SH2D1A: variants seen among roughly 807,000 people sequenced by gnomAD.
SH2D1A encodes SH2 domain-containing protein 1A.
Under a neutral mutation model 10.1 loss-of-function variants are expected in SH2D1A, and 6 were observed. The observed-to-expected ratio is 0.60, with a 90% CI of 0.33 to 1.18. The LOEUF is 1.18. Among genes scored for constraint, SH2D1A ranks in the 50% most tolerant of loss-of-function variants. SH2D1A has a pLI of 0.04. For missense variants in SH2D1A, 51 were observed against 97.6 expected, an observed-to-expected ratio of 0.52 and a Z score of 2.01; for synonymous variants, 42 against 36.9, an observed-to-expected ratio of 1.14 and a Z score of -0.51.
intron 1 of SH2D1A, among the ~76,000 whole-genome samples, chrX:124,349,908 A>G (rs1284020782): frequency 1.9e-5 from 2 of 107,069 alleles, no homozygotes; most frequent in African/African-American, 6.8e-5. Context: ...CCTTATACCT[A>G]TTCATTATAG....
chrX:124,363,582 G>T (rs1252287512), intron 1 of SH2D1A, among the ~76,000 whole-genome samples: 1 of 110,999 alleles, frequency 9.0e-6, no homozygotes, highest in African/African-American at 3.3e-5. Flanking sequence ...CAAACCGACT[G>T]TGCTGTCAGC....
At position 124,371,844 on chromosome X, in the gene SH2D1A, G is replaced by A. The variant is rs1025553812; in HGVS notation, c.*453G>A. ...TGCCAAGTTCTCCACTAGCTATGGT[G>A]TCATAGGCTCTTTTGGGATTTTTGA... On this transcript the variant is annotated 3_prime_UTR_variant, in exon 4 of 4. Coordinates refer to ENST00000371139, the MANE Select transcript of SH2D1A (RefSeq NM_002351.5). 1 of 160,202 alleles carries A rather than the reference G, an allele frequency of 6.2e-6. No homozygotes were observed. The highest frequency in any genetic ancestry group is 3.1e-5 in the African/African-American group (1 of 32,691). 13.2% of individuals were successfully genotyped at this position (160,202 alleles called of 1,213,427 possible).
chrX:124,366,099 T>TAA (rs1556620726), intron 2 of SH2D1A, among the ~76,000 whole-genome samples: 6 of 109,064 alleles, frequency 5.5e-5, no homozygotes, highest in South Asian at 8.0e-4. Flanking sequence ...TGTGAAATCT[T>TAA]AGCATATCAA....
Position 124,346,629 on chromosome X carries a change from G to C in SH2D1A, c.-14G>C, listed in dbSNP as rs1569527110. The C allele has an allele frequency of 1.7e-6, 2 of 1,211,431 alleles. No individual in the cohort carries two copies. The highest frequency in any genetic ancestry group is 1.7e-5 in the African/African-American group (1 of 57,930). Reference sequence around the variant, plus strand: ...CAGTTCTCCTCCTCGGCCTGCCCAAGAGTCCACCAGGCCATGGACGCAGTG... The same window carrying C: ...CAGTTCTCCTCCTCGGCCTGCCCAACAGTCCACCAGGCCATGGACGCAGTG... On this transcript the variant is annotated 5_prime_UTR_variant, in exon 1 of 4. Transcript: ENST00000371139.
chrX:124,370,366 T>C, intron 3 of SH2D1A, 46 bp downstream of exon 3: 1 of 1,050,757 alleles, frequency 9.5e-7, no homozygotes, highest in Admixed American at 2.2e-5. Context: ...AGCTCAGAGT[T>C]ATGAGTCAAC....
chrX:124,348,670 A>G (rs2059999998), intron 1 of SH2D1A, among the ~76,000 whole-genome samples: 2 of 111,592 alleles, frequency 1.8e-5, no homozygotes, highest in Admixed American at 9.5e-5. Flanking sequence ...GCTTTAAACT[A>G]TCTGATAATT....
At position 124,357,762 on chromosome X, in the gene SH2D1A, T is replaced by G. The variant is rs747173510; in HGVS notation, c.138-7999T>G. On this transcript the variant is annotated intron_variant, in intron 1 of 3. Transcript: ENST00000371139. Reference sequence around the variant, plus strand: ...GTTGAGCATTTTTTCACATACCTGTTGGTCATTTGTATATTTTCTTTTGAG... The same window carrying G: ...GTTGAGCATTTTTTCACATACCTGTGGGTCATTTGTATATTTTCTTTTGAG... Among the ~76,000 whole-genome samples, 7 of 111,774 alleles carry G rather than the reference T, an allele frequency of 6.3e-5. No individual in the cohort carries two copies. The South Asian group carries it at 2.3e-3, about 36-fold the overall frequency.
At chrX:124,351,761 A>T (rs1208596258) in intron 1 of SH2D1A, among the ~76,000 whole-genome samples, 2 of 110,721 alleles carry the variant, frequency 1.8e-5, no homozygotes, top group Non-Finnish European at 3.8e-5. Flanking sequence ...TCATTTAACC[A>T]GTTGAATCAT....
At chrX:124,355,504 G>A (rs1341580673) in intron 1 of SH2D1A, among the ~76,000 whole-genome samples, 1 of 111,517 alleles carries the variant, frequency 9.0e-6, no homozygotes, top group Non-Finnish European at 1.9e-5. Flanking sequence ...TTAAACTCTA[G>A]GATTATCAAA....
At position 124,371,406 on chromosome X, in the gene SH2D1A, C is replaced by T. The variant is rs767250216; in HGVS notation, c.*15C>T. ...AAGCCCCATGAAGAAAAATAAAACACCTTGTACTTTATTTTCTATAATTTA... is the reference window on the plus strand; with the variant it reads ...AAGCCCCATGAAGAAAAATAAAACATCTTGTACTTTATTTTCTATAATTTA... On this transcript the variant is annotated 3_prime_UTR_variant, in exon 4 of 4. Transcript: ENST00000371139. The T allele has an allele frequency of 1.5e-5, 16 of 1,064,335 alleles. No individual in the cohort carries two copies. The highest frequency in any genetic ancestry group is 6.8e-5 in the Admixed American group (3 of 44,381). 87.7% of individuals were successfully genotyped at this position (1,064,335 alleles called of 1,213,427 possible).
At chrX:124,368,586 C>A in intron 2 of SH2D1A, among the ~76,000 whole-genome samples, 1 of 112,557 alleles carries the variant, frequency 8.9e-6, no homozygotes, top group Non-Finnish European at 1.9e-5. Flanking sequence ...CAGTTCTAAT[C>A]TGAAAGGCAA....
chrX:124,367,070 T>C (rs1002530439), intron 2 of SH2D1A, among the ~76,000 whole-genome samples: 3 of 111,191 alleles, frequency 2.7e-5, no homozygotes, highest in African/African-American at 9.8e-5. Flanking sequence ...GAGTATAACA[T>C]CATATGAGAT....
chrX:124,366,257 G>A (rs1427090561), intron 2 of SH2D1A, among the ~76,000 whole-genome samples: 1 of 111,059 alleles, frequency 9.0e-6, no homozygotes, highest in Admixed American at 9.6e-5. Context: ...AAACAGTTAT[G>A]AGTGGAAGAA....
At chrX:124,363,916 A>G (rs6648595) in intron 1 of SH2D1A, among the ~76,000 whole-genome samples, 45,959 of 84,626 alleles carry the variant, frequency 0.54, 11,429 homozygotes, top group African/African-American at 0.79. Flanking sequence ...AAAAAAAAAA[A>G]GAAAGAAAAA....
rs1484311033 is a variant in SH2D1A at position 124,346,744 on chromosome X, C to T, written c.102C>T (p.Ser34=). 7 of 1,211,349 alleles carry T rather than the reference C, an allele frequency of 5.8e-6. No homozygotes were observed. The highest frequency in any genetic ancestry group is 7.8e-6 in the Non-Finnish European group (7 of 895,159). The change falls in exon 1 of 4, where the codon AGC becomes AGT. Residue 34 remains serine, a synonymous_variant. Transcript: ENST00000371139. ...ATGGCAGCTATTTGCTGAGGGACAG[C>T]GAGAGCGTGCCAGGCGTGTACTGCC... ...GLDGSYLLRD[S]ESVPGVYCLC...
At chrX:124,367,003 G>C (rs1445479323) in intron 2 of SH2D1A, among the ~76,000 whole-genome samples, 1 of 109,870 alleles carries the variant, frequency 9.1e-6, no homozygotes, top group Admixed American at 9.7e-5. Flanking sequence ...GTAAGGAAAG[G>C]ATCTTAAATG....
intron 1 of SH2D1A, among the ~76,000 whole-genome samples, chrX:124,352,075 C>G (rs1012086905): frequency 9.0e-6 from 1 of 111,052 alleles, no homozygotes; most frequent in Non-Finnish European, 1.9e-5. Flanking sequence ...AAAGTCCTTT[C>G]CCCTTGAGAT....
intron 1 of SH2D1A, among the ~76,000 whole-genome samples, chrX:124,355,887 T>C (rs764897541): frequency 1.7e-4 from 19 of 111,660 alleles, no homozygotes; most frequent in African/African-American, 6.2e-4. Context: ...GTCATTTTAT[T>C]TTTTTATTTT....
chrX:124,369,627 T>G (rs1401756059), intron 2 of SH2D1A, among the ~76,000 whole-genome samples: 1 of 111,266 alleles, frequency 9.0e-6, no homozygotes, highest in Non-Finnish European at 1.9e-5. Flanking sequence ...GGTGAAAGAG[T>G]ATGAGGACTG....
Sources: allele counts gnomAD v4.1 joint callset (sites outside exome capture counted in the v4.1 genomes callset), GRCh38; gene constraint gnomAD v4.1.1; transcripts MANE v1.5; gene names NCBI Gene and HGNC (gene_info 2026-07-23, HGNC 2026-07-21).